Variants in MBOAT1 observed in about 807,000 individuals in gnomAD.
MBOAT1 encodes membrane-bound glycerophospholipid O-acyltransferase 1.
MBOAT1 carries 67 observed loss-of-function variants against 64.4 expected under a neutral mutation model. The ratio of observed to expected loss-of-function variants is 1.04; its 90% CI spans 0.85 to 1.27. MBOAT1 has a LOEUF of 1.27. MBOAT1 is among the 50% of genes most tolerant of loss of function. MBOAT1 has a pLI of 0.00. For synonymous variants in MBOAT1, 229 were observed against 218.9 expected (o/e 1.05, Z -0.41); for missense variants, 563 against 604.6 (o/e 0.93, Z 0.72).
chr6:20,180,869 T>C (rs528611626), intron 1 of MBOAT1, among the ~76,000 whole-genome samples: 1 of 152,336 alleles, frequency 6.6e-6, no homozygotes, highest in South Asian at 2.1e-4. Flanking sequence ...ACTTGCAACA[T>C]GTTTTCCAAT....
At chr6:20,168,533 G>GAGAGA (rs1561773097) in intron 1 of MBOAT1, among the ~76,000 whole-genome samples, 11 of 139,372 alleles carry the variant, frequency 7.9e-5, no homozygotes, top group Non-Finnish European at 1.1e-4. Flanking sequence ...GAGAGAAGAG[G>GAGAGA]AGAGGAGAGG....
intron 1 of MBOAT1, among the ~76,000 whole-genome samples, chr6:20,174,209 T>A (rs541064340): frequency 3.9e-4 from 60 of 152,316 alleles, no homozygotes; most frequent in Non-Finnish European, 6.2e-4. Context: ...CCTAGCACAG[T>A]GCCTGGCACA....
intron 7 of MBOAT1, among the ~76,000 whole-genome samples, chr6:20,125,277 T>G (rs1233185394): frequency 6.6e-6 from 1 of 152,232 alleles, no homozygotes; most frequent in Non-Finnish European, 1.5e-5. Context: ...AGACTTTTAT[T>G]GGTAGTATGG....
intron 4 of MBOAT1, among the ~76,000 whole-genome samples, chr6:20,142,978 T>A (rs1007502361): frequency 6.6e-6 from 1 of 152,208 alleles, no homozygotes; most frequent in Non-Finnish European, 1.5e-5. Context: ...TTTACCTTCC[T>A]GAGCCCTTTC....
At chr6:20,165,258 C>T (rs541879671) in intron 1 of MBOAT1, among the ~76,000 whole-genome samples, 1 of 152,130 alleles carries the variant, frequency 6.6e-6, no homozygotes, top group African/African-American at 2.4e-5. Flanking sequence ...ATTCTCCTGA[C>T]TCCGTGGTCC....
At chr6:20,144,098 G>A in intron 4 of MBOAT1, 122 bp downstream of exon 4, 1 of 664,692 alleles carries the variant, frequency 1.5e-6, no homozygotes, top group East Asian at 2.6e-5. Flanking sequence ...CATTAGCAGT[G>A]TCTTACCAAC....
At chr6:20,112,053 G>A (rs1480703173) in intron 11 of MBOAT1, among the ~76,000 whole-genome samples, 2 of 150,730 alleles carry the variant, frequency 1.3e-5, no homozygotes, top group African/African-American at 4.9e-5. Context: ...GGATAGCTAT[G>A]TGGGGGCTCC....
At chr6:20,210,787 G>A (rs1378240454) in intron 1 of MBOAT1, among the ~76,000 whole-genome samples, 1 of 152,178 alleles carries the variant, frequency 6.6e-6, no homozygotes, top group African/African-American at 2.4e-5. Context: ...CTTTCTAGCT[G>A]TGTAGAAGAG....
intron 1 of MBOAT1, among the ~76,000 whole-genome samples, chr6:20,154,212 A>G (rs1174793633): frequency 1.3e-5 from 2 of 152,230 alleles, no homozygotes; most frequent in Non-Finnish European, 2.9e-5. Flanking sequence ...TATTGCTTTC[A>G]GAAAATGTTT....
At chr6:20,162,667 C>T (rs1257315089) in intron 1 of MBOAT1, among the ~76,000 whole-genome samples, 3 of 152,196 alleles carry the variant, frequency 2.0e-5, no homozygotes, top group African/African-American at 4.8e-5. Context: ...TGAGAAAACT[C>T]GCACAAAGTC....
chr6:20,206,036 C>G, intron 1 of MBOAT1, among the ~76,000 whole-genome samples: 1 of 152,316 alleles, frequency 6.6e-6, no homozygotes, highest in South Asian at 2.1e-4. Flanking sequence ...CATCTTCCCA[C>G]TGCCTTCCTC....
chr6:20,164,235 T>A (rs1225793340), intron 1 of MBOAT1, among the ~76,000 whole-genome samples: 2 of 151,574 alleles, frequency 1.3e-5, no homozygotes, highest in Non-Finnish European at 2.9e-5. Context: ...TAACCTGAAA[T>A]TTTTCCTGTG....
At chr6:20,113,494 C>G (rs1760233659) in intron 10 of MBOAT1, among the ~76,000 whole-genome samples, 1 of 152,216 alleles carries the variant, frequency 6.6e-6, no homozygotes, top group Non-Finnish European at 1.5e-5. Flanking sequence ...GCCATCTAAC[C>G]TAATCAGCAC....
chr6:20,202,060 T>A (rs1480349810), intron 1 of MBOAT1, among the ~76,000 whole-genome samples: 1 of 152,140 alleles, frequency 6.6e-6, no homozygotes, highest in Non-Finnish European at 1.5e-5. Flanking sequence ...CTAGTGACAC[T>A]CACAGTTAAA....
intron 1 of MBOAT1, among the ~76,000 whole-genome samples, chr6:20,172,343 C>G (rs895901753): frequency 6.6e-6 from 1 of 152,120 alleles, no homozygotes; most frequent in Non-Finnish European, 1.5e-5. Flanking sequence ...GGATGAGACT[C>G]TCTTGAATCC....
chr6:20,169,429 T>C (rs2113723221), intron 1 of MBOAT1, among the ~76,000 whole-genome samples: 1 of 152,352 alleles, frequency 6.6e-6, no homozygotes, highest in South Asian at 2.1e-4. Context: ...ACCCAAAGTT[T>C]GGTGACCATT....
At chr6:20,208,147 G>A (rs187792679) in intron 1 of MBOAT1, among the ~76,000 whole-genome samples, 2 of 152,240 alleles carry the variant, frequency 1.3e-5, no homozygotes, top group East Asian at 1.9e-4. Context: ...ATCCAGGTAG[G>A]TAAAGAAACT....
intron 4 of MBOAT1, among the ~76,000 whole-genome samples, chr6:20,138,037 T>C (rs1195391842): frequency 6.6e-6 from 1 of 152,194 alleles, no homozygotes; most frequent in Non-Finnish European, 1.5e-5. Flanking sequence ...ACTGGTAAAA[T>C]ACCTCTCTAA....
At position 20,109,675 on chromosome 6, in the gene MBOAT1, G is replaced by T; in HGVS notation, c.1284C>A (p.Ala428=). ...LKAVYDAGTW[A]VTQLAVSYTV... Reference sequence around the variant, plus strand: ...TGTAAGAGACAGCCAGCTGAGTGACGGCCCAGGTGCCTGCATCATACACAG... The same window carrying T: ...TGTAAGAGACAGCCAGCTGAGTGACTGCCCAGGTGCCTGCATCATACACAG... The change falls in exon 12 of 13, where the codon GCC becomes GCA. Residue 428 remains alanine, a synonymous_variant. Transcript: ENST00000324607. 1 of 1,614,174 alleles carries T rather than the reference G, an allele frequency of 6.2e-7. No homozygotes were observed. Among genetic ancestry groups the T allele is most frequent in the South Asian group, 1.1e-5 (1 of 91,088 alleles).
Sources: gnomAD v4.1 joint callset for allele counts (sites outside exome capture counted in the v4.1 genomes callset) on GRCh38, gnomAD v4.1.1 for gene constraint, MANE v1.5 for transcripts, NCBI Gene and HGNC (gene_info 2026-07-23, HGNC 2026-07-21) for gene names.